SPACA6: variants seen among roughly 807,000 people sequenced by gnomAD.
SPACA6 encodes the protein sperm acrosome membrane-associated protein 6.
For synonymous variants in SPACA6, 6 were observed against 1.5 expected (o/e 4.05, Z -2.21); for missense variants, 8 against 2.8 (o/e 2.88, Z -1.34).
chr19:51,694,046 T>C (rs2083402796), intron 1 of SPACA6: 1 of 257,472 alleles, frequency 3.9e-6, no homozygotes, highest in African/African-American at 2.7e-5. Context: ...CTCAGGAGTA[T>C]GGAGAGTCAG....
rs181505365 is a variant in SPACA6 at position 51,704,222 on chromosome 19, C to A, written c.730+36C>A. ...GCGCGGCCGCGTGAGTGAGCGGGGT[C>A]GGGAGAGGGGTGGGGCTCGTGCCTG... is the stretch of plus-strand genomic sequence containing the variant. On this transcript the variant is annotated intron_variant, in intron 7 of 8. Coordinates refer to ENST00000637797, the MANE Select transcript of SPACA6 (RefSeq NM_001316972.2). 1.0e-5 allele frequency: 4 copies of A among 400,720 alleles called. No homozygotes were observed. In the East Asian group the frequency reaches 1.4e-4, roughly 14 times the overall value. The allele number at this position is 400,720 out of a possible 1,614,324, so 24.8% of individuals were successfully genotyped here. A position where few individuals can be genotyped will look rare whatever the true frequency, so the allele number is the denominator to read the frequency against.
Position 51,704,090 on chromosome 19 carries a change from C to G in SPACA6, c.634C>G (p.Arg212Gly), listed in dbSNP as rs1245494203. ...DMPRAEGYLA[R>G]IRPAQLTHRG... ...GCCGCGGGCCGAAGGATACCTGGCG[C>G]GGATCCGGCCGGCTCAGCTCACGCA... Residue 212 changes from arginine to glycine, a missense_variant, in exon 7 of 9, where the codon CGG becomes GGG. Coordinates refer to ENST00000637797, the MANE Select transcript of SPACA6 (RefSeq NM_001316972.2). 2.5e-6 allele frequency: 1 copy of G among 401,238 alleles called. No homozygotes were observed. The highest frequency in any genetic ancestry group is 4.4e-6 in the Non-Finnish European group (1 of 226,248). 24.9% of individuals were successfully genotyped at this position (401,238 alleles called of 1,614,324 possible). A position where few individuals can be genotyped will look rare whatever the true frequency, so the allele number is the denominator to read the frequency against.
At chr19:51,688,901 G>GA (rs1491554674), upstream of SPACA6, among the ~76,000 whole-genome samples, 2 of 72,824 alleles carry the variant, frequency 2.7e-5, no homozygotes, top group African/African-American at 9.5e-5. Flanking sequence ...GAGGGAAAGA[G>GA]GGAGAGAGAG....
At chr19:51,707,885 G>A (rs1175032539), downstream of SPACA6, among the ~76,000 whole-genome samples, 1 of 152,226 alleles carries the variant, frequency 6.6e-6, no homozygotes, top group Non-Finnish European at 1.5e-5. Context: ...GGTAGATAGG[G>A]TGAGGTCCAG....
intron 7 of SPACA6, 22 bp from the exon 8 acceptor site, chr19:51,704,248 G>A: frequency 2.5e-6 from 1 of 400,748 alleles, no homozygotes; most frequent in Non-Finnish European, 4.4e-6. Flanking sequence ...CTCGTGCCTG[G>A]CTGACGTGCG....
downstream of SPACA6, among the ~76,000 whole-genome samples, chr19:51,709,855 G>A (rs2083534145): frequency 6.6e-6 from 1 of 152,140 alleles, no homozygotes; most frequent in African/African-American, 2.4e-5. Context: ...AGAATCAGTG[G>A]GATTTGCTGA....
chr19:51,685,083 C>T (rs554912026), upstream of SPACA6, among the ~76,000 whole-genome samples: 33 of 152,324 alleles, frequency 2.2e-4, no homozygotes, highest in African/African-American at 6.3e-4. Context: ...AAGTCCTTGA[C>T]TCAGACCTAA....
intron 2 of SPACA6, among the ~76,000 whole-genome samples, chr19:51,696,930 G>T (rs2083434922): frequency 2.6e-5 from 4 of 152,182 alleles, no homozygotes; most frequent in Admixed American, 2.6e-4. Context: ...GAGTAAAGGT[G>T]AAATCAGAGA....
At chr19:51,710,834 C>A (rs751814114) in intron 2 of SPACA6, among the ~76,000 whole-genome samples, 18 of 152,200 alleles carry the variant, frequency 1.2e-4, no homozygotes, top group Non-Finnish European at 2.5e-4. Flanking sequence ...AATCCCAGCA[C>A]TTTGGGAAGC....
At chr19:51,712,700 G>A (rs1321237577), downstream of SPACA6, among the ~76,000 whole-genome samples, 2 of 152,184 alleles carry the variant, frequency 1.3e-5, no homozygotes, top group African/African-American at 2.4e-5. Context: ...GTGGGAAGAC[G>A]TGGAGATGGG....
chr19:51,705,627 A>C (rs113685314), downstream of SPACA6, among the ~76,000 whole-genome samples: 470 of 152,112 alleles, frequency 3.1e-3, 1 homozygote, highest in African/African-American at 0.011. Context: ...TCACTGGAGC[A>C]GCCCCCCACC....
chr19:51,702,509 GA>G (rs2083476989), intron 3 of SPACA6, 119 bp from the exon 4 acceptor site: 2 of 393,454 alleles, frequency 5.1e-6, no homozygotes, highest in Admixed American at 4.5e-5. Flanking sequence ...AGGTTATGAC[GA>G]AAGCTTGGCC....
In SPACA6 at chr19:51,704,139, T is replaced by G. The variant is rs2083493726; in HGVS notation, c.683T>G (p.Ile228Ser). The change falls in exon 7 of 9, where the codon ATC becomes AGC. Residue 228 changes from isoleucine to serine, a missense_variant. Coordinates refer to ENST00000637797, the MANE Select transcript of SPACA6 (RefSeq NM_001316972.2). ...CACCGCGGGACGTTCTCCTGCGTGA[T>G]CAAGCAAGACCAGCGCCCCCTGGCC... ...LTHRGTFSCV[I>S]KQDQRPLARL... 2.5e-6 allele frequency: 1 copy of G among 400,962 alleles called. No individual in the cohort carries two copies. The highest frequency in any genetic ancestry group is 2.1e-5 in the African/African-American group (1 of 48,664). 24.8% of individuals were successfully genotyped at this position (400,962 alleles called of 1,614,324 possible).
chr19:51,702,809 A>G (rs1054901207), intron 4 of SPACA6, 157 bp downstream of exon 4: 4 of 398,518 alleles, frequency 1.0e-5, no homozygotes, highest in East Asian at 7.1e-5. Context: ...ATTGCTCTAA[A>G]TCCTCAGAAG....
At chr19:51,690,803 CTG>C (rs964609430), upstream of SPACA6, among the ~76,000 whole-genome samples, 4 of 151,906 alleles carry the variant, frequency 2.6e-5, no homozygotes, top group Admixed American at 1.3e-4. Flanking sequence ...CGGGGAATCT[CTG>C]AGATTCTCGG....
chr19:51,688,610 G>A (rs1219951685), upstream of SPACA6: 1 of 152,616 alleles, frequency 6.6e-6, no homozygotes, highest in African/African-American at 2.4e-5. Context: ...CAGGAAGGGG[G>A]AGAGAGAGAC....
At chr19:51,690,883 C>T (rs184192417), upstream of SPACA6, among the ~76,000 whole-genome samples, 3 of 141,956 alleles carry the variant, frequency 2.1e-5, no homozygotes, top group Non-Finnish European at 4.7e-5. Flanking sequence ...GAACCCAGGC[C>T]TGGGCTCCGG....
At chr19:51,696,926 A>T (rs907771040) in intron 2 of SPACA6, among the ~76,000 whole-genome samples, 1 of 152,148 alleles carries the variant, frequency 6.6e-6, no homozygotes, top group South Asian at 2.1e-4. Flanking sequence ...GCTGGAGTAA[A>T]GGTGAAATCA....
chr19:51,692,713 G>C (rs764363120), upstream of SPACA6: 1 of 533,502 alleles, frequency 1.9e-6, no homozygotes, highest in African/African-American at 1.9e-5. The surrounding 1 kb of genome is among the most constrained non-coding windows in gnomAD (Gnocchi z 5.6). Context: ...GGGCCTCCCC[G>C]GCCCTCCCCC....
Sources: gnomAD v4.1 joint callset for allele counts (sites outside exome capture counted in the v4.1 genomes callset) on GRCh38, gnomAD v4.1.1 for gene constraint, Gnocchi (gnomAD v3.1) non-coding constraint, MANE v1.5 for transcripts, NCBI Gene and HGNC (gene_info 2026-07-23, HGNC 2026-07-21) for gene names.